TACC2: variants seen among roughly 807,000 people sequenced by gnomAD.
TACC2 encodes the protein transforming acidic coiled-coil-containing protein 2.
Under a neutral mutation model 227.3 loss-of-function variants are expected in TACC2, and 137 were observed. The observed-to-expected ratio is 0.60, with a 90% CI of 0.52 to 0.69. The LOEUF (loss-of-function observed/expected upper bound fraction) is 0.69, where lower values mean the gene tolerates loss of function less well. TACC2 is among the 30% of genes least tolerant of loss of function. TACC2 has a pLI of 0.00. For missense variants in TACC2, 3,470 were observed against 3,694.4 expected (o/e 0.94, Z 1.57); for synonymous variants, 1,523 against 1,487.5 (o/e 1.02, Z -0.55).
chr10:122,215,447 C>T lies in TACC2; in HGVS notation c.7340C>T (p.Ser2447Phe), dbSNP rs768469173. ...CGGTCTCCTCTCTCTGATCCACCTT[C>T]CCAGGTACAGTGTTCCTTTGATCTT... is the stretch of plus-strand genomic sequence containing the variant. ...PKRSPLSDPP[S>F]QDPTPAATPE... Residue 2447 changes from serine (S) to phenylalanine (F), a missense_variant, in exon 10 of 23, where the codon TCC becomes TTC. By Grantham distance (155) the Ser-to-Phe change is radical. Transcript: ENST00000369005. 1.2e-6 allele frequency: 2 copies of T among 1,613,810 alleles called. No homozygotes were observed. The highest frequency in any genetic ancestry group is 2.2e-5 in the South Asian group (2 of 91,064).
chr10:122,143,292 C>T (rs2090906310), intron 6 of TACC2, among the ~76,000 whole-genome samples: 1 of 152,172 alleles, frequency 6.6e-6, no homozygotes, highest in African/African-American at 2.4e-5. Flanking sequence ...CATAGCGTGT[C>T]CTGGACACCT....
At chr10:122,038,550 G>A (rs1022009956) in intron 2 of TACC2, among the ~76,000 whole-genome samples, 3 of 152,166 alleles carry the variant, frequency 2.0e-5, no homozygotes, top group East Asian at 1.9e-4. Context: ...TAAGGTGGTC[G>A]TTGTCTTGAG....
chr10:122,189,529 A>G (rs954643016), intron 7 of TACC2, among the ~76,000 whole-genome samples: 14 of 152,172 alleles, frequency 9.2e-5, no homozygotes, highest in Non-Finnish European at 1.5e-4. Flanking sequence ...AGCTCAGAAG[A>G]AGGAAGCCCC....
intron 7 of TACC2, among the ~76,000 whole-genome samples, chr10:122,160,951 C>A (rs1331672613): frequency 6.6e-6 from 1 of 151,884 alleles, no homozygotes; most frequent in Non-Finnish European, 1.5e-5. Context: ...TCTCCTGGTT[C>A]TTTTTTTTGG....
intron 7 of TACC2, among the ~76,000 whole-genome samples, chr10:122,161,192 A>C (rs2092795319): frequency 6.6e-6 from 1 of 151,676 alleles, no homozygotes; most frequent in African/African-American, 2.4e-5. Context: ...CACCTCGGCC[A>C]CCCCAAGTGC....
chr10:122,139,197 G>T (rs917525376), intron 6 of TACC2, among the ~76,000 whole-genome samples: 1 of 152,224 alleles, frequency 6.6e-6, no homozygotes, highest in African/African-American at 2.4e-5. Flanking sequence ...CCTCCTCTGA[G>T]CACGGGCTCT....
At chr10:121,993,602 G>A (rs1479581599) in intron 1 of TACC2, among the ~76,000 whole-genome samples, 1 of 151,966 alleles carries the variant, frequency 6.6e-6, no homozygotes, top group Admixed American at 6.6e-5. Context: ...TCCTTTCGGG[G>A]CTTTTGTTTG....
intron 1 of TACC2, among the ~76,000 whole-genome samples, chr10:121,990,367 C>T (rs1263186548): frequency 6.6e-6 from 1 of 152,164 alleles, no homozygotes; most frequent in Non-Finnish European, 1.5e-5. Flanking sequence ...ATCCTCCTGC[C>T]TCAGCCTCCC....
chr10:122,057,061 G>A (rs533775408), intron 3 of TACC2, among the ~76,000 whole-genome samples: 21 of 152,038 alleles, frequency 1.4e-4, no homozygotes, highest in Admixed American at 3.3e-4. Context: ...GCATGGTGGC[G>A]CACACCTGTA....
At chr10:122,148,743 C>T (rs2091703121) in intron 7 of TACC2, among the ~76,000 whole-genome samples, 1 of 152,278 alleles carries the variant, frequency 6.6e-6, no homozygotes, top group Non-Finnish European at 1.5e-5. Flanking sequence ...CACAATCCCA[C>T]GTTTCCAGTG....
At chr10:122,055,164 G>A (rs1483879223) in intron 3 of TACC2, among the ~76,000 whole-genome samples, 1 of 152,032 alleles carries the variant, frequency 6.6e-6, no homozygotes, top group Non-Finnish European at 1.5e-5. Context: ...AGGTTGCAGT[G>A]AGCTGAGATT....
At chr10:122,024,566 C>T (rs945573900) in intron 2 of TACC2, among the ~76,000 whole-genome samples, 1 of 152,210 alleles carries the variant, frequency 6.6e-6, no homozygotes, top group African/African-American at 2.4e-5. Context: ...CCTCTCATCC[C>T]TAACCCCTGG....
chr10:122,008,166 C>T (rs553327775), intron 1 of TACC2, among the ~76,000 whole-genome samples: 1 of 151,944 alleles, frequency 6.6e-6, no homozygotes, highest in East Asian at 1.9e-4. Context: ...TTGGGTATTC[C>T]TATTATCATT....
chr10:122,185,535 A>T (rs2094156033), intron 7 of TACC2, among the ~76,000 whole-genome samples: 2 of 152,170 alleles, frequency 1.3e-5, no homozygotes, highest in Non-Finnish European at 2.9e-5. Context: ...TGCCTCCAAC[A>T]TTACCCTGCC....
At chr10:122,062,673 G>A (rs910515469) in intron 3 of TACC2, among the ~76,000 whole-genome samples, 1 of 152,030 alleles carries the variant, frequency 6.6e-6, no homozygotes, top group East Asian at 1.9e-4. Context: ...TCAACCTCTT[G>A]GCTTTTTCAG....
intron 2 of TACC2, chr10:122,033,025 A>G (rs1488300414): frequency 9.8e-7 from 1 of 1,020,658 alleles, no homozygotes; most frequent in African/African-American, 1.7e-5. Context: ...CCACAAAAAC[A>G]CCAAAGATTG....
chr10:122,157,179 A>G (rs777048730), intron 7 of TACC2, among the ~76,000 whole-genome samples: 8 of 152,218 alleles, frequency 5.3e-5, no homozygotes, highest in Non-Finnish European at 7.3e-5. Flanking sequence ...AAGTCTATAC[A>G]TGGTTGCTTT....
intron 13 of TACC2, among the ~76,000 whole-genome samples, 161 bp from the exon 14 acceptor site, chr10:122,227,676 G>A (rs2095655644): frequency 6.6e-6 from 1 of 152,202 alleles, no homozygotes; most frequent in Admixed American, 6.5e-5. Context: ...GTCCTGGGGT[G>A]ACTGCCCAGC....
At chr10:122,097,535 G>A (rs776665774) in intron 5 of TACC2, among the ~76,000 whole-genome samples, 15 of 151,768 alleles carry the variant, frequency 9.9e-5, no homozygotes, top group South Asian at 4.2e-4. Context: ...GGAGAAGAGC[G>A]GGGCTCTGAA....
Sources: allele counts gnomAD v4.1 joint callset (sites outside exome capture counted in the v4.1 genomes callset), GRCh38; gene constraint gnomAD v4.1.1; transcripts MANE v1.5; gene names NCBI Gene and HGNC (gene_info 2026-07-23, HGNC 2026-07-21).